The following C17orf50 variants were observed in gnomAD, a reference collection of about 807,000 sequenced individuals.
C17orf50 encodes the protein plakoglobin binding and degradation factor.
A neutral mutation model predicts 17.7 loss-of-function variants in C17orf50; 16 were observed. The ratio of observed to expected loss-of-function variants is 0.90; its 90% CI spans 0.61 to 1.37. C17orf50 has a LOEUF of 1.37. Among genes scored for constraint, C17orf50 ranks in the 40% most tolerant of loss-of-function variants. The pLI is 0.00. For synonymous variants in C17orf50, 125 were observed against 111.0 expected, an observed-to-expected ratio of 1.13 and a Z score of -0.80; for missense variants, 271 against 240.7, an observed-to-expected ratio of 1.13 and a Z score of -0.83.
intron 1 of C17orf50, among the ~76,000 whole-genome samples, chr17:35,761,196 C>G (rs587612206): frequency 3.8e-4 from 57 of 151,202 alleles, no homozygotes; most frequent in African/African-American, 1.3e-3. Flanking sequence ...CTCTGCCTCC[C>G]GGGTTCAAGT....
intron 1 of C17orf50, among the ~76,000 whole-genome samples, chr17:35,763,715 G>A (rs1379038149): frequency 6.6e-6 from 1 of 151,780 alleles, no homozygotes; most frequent in Non-Finnish European, 1.5e-5. Flanking sequence ...CGGCCAACAT[G>A]GTGAAACCCC....
Position 35,764,449 on chromosome 17 carries a change from C to T in C17orf50, c.356C>T (p.Pro119Leu), listed in dbSNP as rs781952915. ...TDRKRSLPEE[P>L]CVLEIRRRPP... The stretch of plus-strand genomic sequence containing the variant: ...AGGAAGCGGAGCCTCCCGGAGGAGC[C>T]GTGCGTGCTGGAGATCCGGCGACGA... The change falls in exon 3 of 3, where the codon CCG (proline) becomes CTG (leucine). Residue 119 changes from proline (P) to leucine (L), a missense_variant. Physicochemically the swap from Pro to Leu is moderately conservative, Grantham distance 98. Coordinates refer to ENST00000605587, the MANE Select transcript of C17orf50 (RefSeq NM_145272.4). 75 of 1,553,576 alleles carry T rather than the reference C, an allele frequency of 4.8e-5. No individual in the cohort carries two copies. In the African/African-American group the frequency reaches 7.9e-4, roughly 16 times the overall value.
intron 1 of C17orf50, among the ~76,000 whole-genome samples, chr17:35,761,208 A>C (rs782732069): frequency 6.8e-6 from 1 of 147,568 alleles, no homozygotes; most frequent in Non-Finnish European, 1.5e-5. Context: ...GGTTCAAGTG[A>C]TTCTCGTTCC....
chr17:35,763,636 C>T (rs1311313560), intron 1 of C17orf50, among the ~76,000 whole-genome samples: 1 of 151,714 alleles, frequency 6.6e-6, no homozygotes, highest in Non-Finnish European at 1.5e-5. Flanking sequence ...GTGACTCACG[C>T]CTGTAATCTC....
chr17:35,764,413 T>G lies in C17orf50; in HGVS notation c.333-13T>G. 1 of 1,520,582 alleles carries G rather than the reference T, an allele frequency of 6.6e-7. No homozygotes were observed. The highest frequency in any genetic ancestry group is 8.8e-7 in the Non-Finnish European group (1 of 1,136,790). The allele number at this position is 1,520,582 out of a possible 1,614,324, so 94.2% of individuals were successfully genotyped here. A position where few individuals can be genotyped will look rare whatever the true frequency, so the allele number is the denominator to read the frequency against. Reference sequence around the variant, plus strand: ...GCTGCCCCAGGCACTGAGCGCCTGGTCCCCGCCGGCAGGAAGCGGAGCCTC... The same window carrying G: ...GCTGCCCCAGGCACTGAGCGCCTGGGCCCCGCCGGCAGGAAGCGGAGCCTC... On this transcript the variant is annotated splice_polypyrimidine_tract_variant and intron_variant, in intron 2 of 2. Transcript: ENST00000605587.
chr17:35,764,700 G>T lies in C17orf50; in HGVS notation c.*82G>T. 1.4e-6 allele frequency: 2 copies of T among 1,432,362 alleles called. No individual in the cohort carries two copies. Among genetic ancestry groups the T allele is most frequent in the African/African-American group, 1.5e-5 (1 of 66,050 alleles). The allele number at this position is 1,432,362 out of a possible 1,614,324, so 88.7% of individuals were successfully genotyped here. A position where few individuals can be genotyped will look rare whatever the true frequency, so the allele number is the denominator to read the frequency against. ...CCGACCTTCTCTCTTGGAGCGCGGA[G>T]CCCTCTTCGACGCATTCCGCAGGAC... is the stretch of plus-strand genomic sequence containing the variant. On this transcript the variant is annotated 3_prime_UTR_variant, in exon 3 of 3. Transcript: ENST00000605587.
In C17orf50 at chr17:35,764,612, C is replaced by G. The variant is rs1555602437; in HGVS notation, c.519C>G (p.Asn173Lys). The change falls in exon 3 of 3, where the codon AAC (asparagine) becomes AAG (lysine). Residue 173 changes from asparagine to lysine, a missense_variant. Asn to Lys is a moderately conservative substitution (Grantham distance 94, BLOSUM62 0). Transcript: ENST00000605587. Reference sequence around the variant, plus strand: ...TGGGTAAGGCGGGGGCCGCTGGGAACTCCTGAGCGCCCCCGCTCCCAGCCT... The same window carrying G: ...TGGGTAAGGCGGGGGCCGCTGGGAAGTCCTGAGCGCCCCCGCTCCCAGCCT... ...PDLGKAGAAG[N>K]S is the part of the protein sequence containing the mutation. 6.3e-7 allele frequency: 1 copy of G among 1,580,292 alleles called. No homozygotes were observed. The highest frequency in any genetic ancestry group is 1.4e-5 in the African/African-American group (1 of 71,372).
rs10533957 is a variant in C17orf50, at chr17:35,761,099, ATTTTTT to A, written c.13+162_13+167del. The A allele has an allele frequency of 4.6e-3, 2,312 of 505,850 alleles. 3 individuals carry two copies. The highest frequency in any genetic ancestry group is 7.8e-3 in the East Asian group (188 of 24,206). 31.3% of individuals were successfully genotyped at this position (505,850 alleles called of 1,614,324 possible). A position where few individuals can be genotyped will look rare whatever the true frequency, so the allele number is the denominator to read the frequency against. On this transcript the variant is annotated intron_variant, in intron 1 of 2. Transcript: ENST00000605587. ...AAGCCCTCTCCTTTCGCCTTCCTGAATTTTTTTTTTTTTTTTTTTTTTGAGATAGAG... is the reference window on the plus strand; with the variant it reads ...AAGCCCTCTCCTTTCGCCTTCCTGAATTTTTTTTTTTTTTTTGAGATAGAG...
chr17:35,762,265 C>T (rs991426891), intron 1 of C17orf50, among the ~76,000 whole-genome samples: 2 of 152,206 alleles, frequency 1.3e-5, no homozygotes, highest in East Asian at 3.8e-4. Flanking sequence ...GCTGGGATTA[C>T]AGGCATGAGC....
rs10533957 is a variant in C17orf50 at position 35,761,099 on chromosome 17, ATTTTTTTT to A, written c.13+160_13+167del. 6.5e-3 allele frequency: 3,297 copies of A among 505,612 alleles called. 1 individual carries two copies. Among genetic ancestry groups the A allele is most frequent in the East Asian group, 0.012 (301 of 24,174 alleles). The allele number at this position is 505,612 out of a possible 1,614,324, so 31.3% of individuals were successfully genotyped here. On this transcript the variant is annotated intron_variant, in intron 1 of 2. Transcript: ENST00000605587. ...AAGCCCTCTCCTTTCGCCTTCCTGA[ATTTTTTTT>A]TTTTTTTTTTTTTTGAGATAGAGTC...
rs2143123079 is a variant in C17orf50, at chr17:35,764,861, A to C, written c.*243A>C. 1 of 367,030 alleles carries C rather than the reference A, an allele frequency of 2.7e-6. No individual in the cohort carries two copies. The allele number at this position is 367,030 out of a possible 1,614,324, so 22.7% of individuals were successfully genotyped here. Reference sequence around the variant, plus strand: ...CTAGAGCCCGCTGTCAACAGCGCCCACCGAGGGCTCCCCGCCCCCACGCAG... The same window carrying C: ...CTAGAGCCCGCTGTCAACAGCGCCCCCCGAGGGCTCCCCGCCCCCACGCAG... On this transcript the variant is annotated 3_prime_UTR_variant, in exon 3 of 3. Transcript: ENST00000605587.
intron 1 of C17orf50, 58 bp downstream of exon 1, chr17:35,761,012 G>A: frequency 3.2e-6 from 5 of 1,566,118 alleles, no homozygotes; most frequent in Non-Finnish European, 4.3e-6. Context: ...ACCCTAGCTT[G>A]GACAATCCAG....
Position 35,764,697 on chromosome 17 carries a change from G to T in C17orf50, c.*79G>T. The stretch of plus-strand genomic sequence containing the variant: ...CTACCGACCTTCTCTCTTGGAGCGC[G>T]GAGCCCTCTTCGACGCATTCCGCAG... On this transcript the variant is annotated 3_prime_UTR_variant, in exon 3 of 3. Coordinates refer to ENST00000605587, the MANE Select transcript of C17orf50 (RefSeq NM_145272.4). The T allele has an allele frequency of 6.9e-7, 1 of 1,439,908 alleles. No individual in the cohort carries two copies. The highest frequency in any genetic ancestry group is 1.5e-5 in the African/African-American group (1 of 66,280). The allele number at this position is 1,439,908 out of a possible 1,614,324, so 89.2% of individuals were successfully genotyped here.
In C17orf50 at chr17:35,764,187, G is replaced by A. The variant is rs2085885080; in HGVS notation, c.194G>A (p.Arg65Gln). Residue 65 changes from arginine (R) to glutamine (Q), a missense_variant, in exon 2 of 3, where the codon CGG (arginine) becomes CAG (glutamine). Arg to Gln is a conservative substitution (Grantham distance 43). Transcript: ENST00000605587. ...GCGGAGGAGGGCGAAGGCCGCGAGC[G>A]GCGCTCAGTGTCCTACTGCCCGCTG... The part of the protein sequence containing the change: ...RVAEEGEGRE[R>Q]RSVSYCPLRQ... The A allele has an allele frequency of 6.5e-7, 1 of 1,548,006 alleles. No individual in the cohort carries two copies. The highest frequency in any genetic ancestry group is 8.7e-7 in the Non-Finnish European group (1 of 1,146,634).
chr17:35,762,746 TGCTGG>T (rs2085846277), intron 1 of C17orf50, among the ~76,000 whole-genome samples: 1 of 152,138 alleles, frequency 6.6e-6, no homozygotes, highest in African/African-American at 2.4e-5. Context: ...CCAGCGGAGA[TGCTGG>T]GCTTCCTTAA....
Position 35,764,254 on chromosome 17 carries a change from C to A in C17orf50, c.261C>A (p.Arg87=), listed in dbSNP as rs1598409848. 1.3e-6 allele frequency: 2 copies of A among 1,539,896 alleles called. No homozygotes were observed. Among genetic ancestry groups the A allele is most frequent in the East Asian group, 5.0e-5 (2 of 40,376 alleles). The stretch of plus-strand genomic sequence containing the variant: ...CCCAGCAGGTGGCGCTGCTGCGGCG[C>A]GCGGACAGCGGCTTCTGGGGCTGGC... ...SSTQQVALLR[R]ADSGFWGWLG... The change falls in exon 2 of 3, where the codon CGC becomes CGA. Residue 87 remains arginine, a synonymous_variant. Transcript: ENST00000605587.
At chr17:35,764,354 G>C (rs587722545) in intron 2 of C17orf50, 29 bp downstream of exon 2, 44 of 1,454,918 alleles carry the variant, frequency 3.0e-5, no homozygotes, top group Non-Finnish European at 3.9e-5. Flanking sequence ...ACCGGGGCAC[G>C]AGGGAGGCGG....
chr17:35,761,845 C>T (rs1188935877), intron 1 of C17orf50, among the ~76,000 whole-genome samples: 1 of 152,234 alleles, frequency 6.6e-6, no homozygotes, highest in Admixed American at 6.5e-5. Context: ...TCCCCTTCCT[C>T]TTGAAACATC....
chr17:35,761,864 C>T (rs1555601593), intron 1 of C17orf50, among the ~76,000 whole-genome samples: 1 of 152,204 alleles, frequency 6.6e-6, no homozygotes, highest in Admixed American at 6.5e-5. Flanking sequence ...TCTCTGGAAC[C>T]CTTTTCTAGC....
Sources: allele counts gnomAD v4.1 joint callset (sites outside exome capture counted in the v4.1 genomes callset), GRCh38; gene constraint gnomAD v4.1.1; transcripts MANE v1.5; gene names NCBI Gene and HGNC (gene_info 2026-07-23, HGNC 2026-07-21).